Variants in HIBADH observed in about 807,000 individuals in gnomAD.
HIBADH encodes the protein 3-hydroxyisobutyrate dehydrogenase.
HIBADH carries 25 observed loss-of-function variants against 36.1 expected under a neutral mutation model. The observed-to-expected ratio is 0.69, with a 90% confidence interval of 0.50 to 0.97. The LOEUF (loss-of-function observed/expected upper bound fraction) is 0.97. Among genes scored for constraint, HIBADH ranks in the 50% least tolerant of loss-of-function variants. The pLI, the probability that HIBADH is intolerant of heterozygous loss-of-function variation, is 0.00. For synonymous variants in HIBADH, 160 were observed against 149.5 expected, an observed-to-expected ratio of 1.07 and a Z score of -0.51; for missense variants, 421 against 418.0, an observed-to-expected ratio of 1.01 and a Z score of -0.06.
intron 4 of HIBADH, among the ~76,000 whole-genome samples, chr7:27,626,586 TCTTA>T (rs1785651916): frequency 6.6e-6 from 1 of 152,136 alleles, no homozygotes; most frequent in Non-Finnish European, 1.5e-5. Flanking sequence ...AAGTAATAAT[TCTTA>T]CTTTACTCCC....
intron 7 of HIBADH, among the ~76,000 whole-genome samples, chr7:27,527,860 C>G (rs917722801): frequency 6.8e-6 from 1 of 147,942 alleles, no homozygotes; most frequent in Admixed American, 6.8e-5. Flanking sequence ...AAGTGATTCT[C>G]CTCCCGCAGC....
At position 27,656,165 on chromosome 7, in the gene HIBADH, A is replaced by G. The variant is rs116655756; in HGVS notation, c.92-6532T>C. Among the ~76,000 whole-genome samples the G allele has an allele frequency of 7.5e-3, 1,139 of 152,294 alleles. 17 individuals are homozygous for G. Among genetic ancestry groups the G allele is most frequent in the African/African-American group, 0.026 (1,079 of 41,556 alleles). ...CATCTACTCTAGTTTGAAAGCAGCC[A>G]TAGACAACATACAAACAAATGGGTA... On this transcript the variant is annotated intron_variant, in intron 1 of 7. Coordinates refer to ENST00000265395, the MANE Select transcript of HIBADH (RefSeq NM_152740.4).
chr7:27,635,796 C>G (rs918622667), intron 2 of HIBADH, among the ~76,000 whole-genome samples: 21 of 151,524 alleles, frequency 1.4e-4, no homozygotes, highest in African/African-American at 5.1e-4. Context: ...CTGCCCCAGA[C>G]AGATCTCCTG....
intron 4 of HIBADH, among the ~76,000 whole-genome samples, chr7:27,547,198 T>G (rs916980037): frequency 2.0e-5 from 3 of 152,184 alleles, no homozygotes; most frequent in African/African-American, 7.2e-5. Context: ...GTGAAGTATG[T>G]TCCCATCTCA....
intron 4 of HIBADH, among the ~76,000 whole-genome samples, chr7:27,613,313 TA>T (rs1785365745): frequency 6.8e-6 from 1 of 147,474 alleles, no homozygotes; most frequent in African/African-American, 2.5e-5. Flanking sequence ...TTTATATATA[TA>T]TATATAAAAG....
chr7:27,526,995 C>T (rs1312849619), intron 7 of HIBADH, among the ~76,000 whole-genome samples: 1 of 152,014 alleles, frequency 6.6e-6, no homozygotes, highest in Non-Finnish European at 1.5e-5. Context: ...GACCTGGAGC[C>T]AGGTGAAAAC....
chr7:27,580,005 G>C (rs1784766302), intron 4 of HIBADH, among the ~76,000 whole-genome samples: 1 of 151,134 alleles, frequency 6.6e-6, no homozygotes, highest in Admixed American at 6.6e-5. Flanking sequence ...ATACATGAGA[G>C]TCTGTTTGAA....
intron 6 of HIBADH, among the ~76,000 whole-genome samples, chr7:27,532,511 G>C (rs915624354): frequency 1.3e-5 from 2 of 152,176 alleles, no homozygotes; most frequent in East Asian, 1.9e-4. Flanking sequence ...TCAGATGCTA[G>C]AGCAGGGGGC....
At position 27,574,371 on chromosome 7, in the gene HIBADH, C is replaced by A. The variant is rs138770716; in HGVS notation, c.485-31271G>T. Among the ~76,000 whole-genome samples, 601 of 151,822 alleles carry A rather than the reference C, an allele frequency of 4.0e-3. 2 individuals carry two copies. Among genetic ancestry groups the A allele is most frequent in the Middle Eastern group, 0.021 (6 of 292 alleles). ...GAAGAATCTCTGAAATCATTTCCCA[C>A]AGAAATATGATGCTAATTGTGTTAT... On this transcript the variant is annotated intron_variant, in intron 4 of 7. Transcript: ENST00000265395.
At chr7:27,607,882 A>G (rs989296621) in intron 4 of HIBADH, among the ~76,000 whole-genome samples, 1 of 152,194 alleles carries the variant, frequency 6.6e-6, no homozygotes, top group Non-Finnish European at 1.5e-5. Context: ...CCAATTAACT[A>G]TTTCAGTGTC....
chr7:27,582,912 G>C (rs185136686), intron 4 of HIBADH, among the ~76,000 whole-genome samples: 3 of 152,144 alleles, frequency 2.0e-5, no homozygotes, highest in African/African-American at 4.8e-5. Context: ...CAGTAAAATG[G>C]GGATAACAAC....
chr7:27,570,509 A>G (rs1457465784), intron 4 of HIBADH, among the ~76,000 whole-genome samples: 1 of 152,178 alleles, frequency 6.6e-6, no homozygotes, highest in Non-Finnish European at 1.5e-5. Context: ...TCAGAAAGCA[A>G]ATCAGTGTTT....
chr7:27,553,882 CTT>C (rs1784355678), intron 4 of HIBADH, among the ~76,000 whole-genome samples: 1 of 152,190 alleles, frequency 6.6e-6, no homozygotes, highest in Admixed American at 6.5e-5. Context: ...GAGTTTTGCT[CTT>C]GTCGCCCAGG....
chr7:27,592,524 G>A (rs1015490560), intron 4 of HIBADH, among the ~76,000 whole-genome samples: 1 of 152,044 alleles, frequency 6.6e-6, no homozygotes, highest in Non-Finnish European at 1.5e-5. Flanking sequence ...CCACACCTTC[G>A]CCTGGCCCCA....
chr7:27,557,325 C>G (rs967199540), intron 4 of HIBADH, among the ~76,000 whole-genome samples: 2 of 151,622 alleles, frequency 1.3e-5, no homozygotes, highest in African/African-American at 4.8e-5. Context: ...TCTTATTTTG[C>G]CTTTATAGTT....
chr7:27,572,545 C>G (rs1006768522), intron 4 of HIBADH, among the ~76,000 whole-genome samples: 6 of 152,158 alleles, frequency 3.9e-5, no homozygotes, highest in African/African-American at 1.2e-4. Flanking sequence ...TTTATGACAT[C>G]TATTTTTACA....
chr7:27,651,353 GGTATAATA>G (rs2128297248), intron 1 of HIBADH, among the ~76,000 whole-genome samples: 1 of 7,494 alleles, frequency 1.3e-4, no homozygotes, highest in East Asian at 0.17. Flanking sequence ...TTAATACACT[GGTATAATA>G]GTACACTGGT....
In HIBADH at chr7:27,626,104, GA is replaced by G. The variant is rs70994672; in HGVS notation, c.484+3266del. Reference sequence around the variant, plus strand: ...GGTGACACAGTGAGACTCCGTCTCAGAAAAAAAAAAAAAAAAAAAAAAGATG... The same window carrying G: ...GGTGACACAGTGAGACTCCGTCTCAGAAAAAAAAAAAAAAAAAAAAAGATG... On this transcript the variant is annotated intron_variant, in intron 4 of 7. Coordinates refer to ENST00000265395, the MANE Select transcript of HIBADH (RefSeq NM_152740.4). 9.7e-3 allele frequency among the ~76,000 whole-genome samples: 699 copies of G among 72,434 alleles called. 5 individuals carry two copies. Among genetic ancestry groups the G allele is most frequent in the African/African-American group, 0.035 (649 of 18,600 alleles). 47.5% of individuals were successfully genotyped at this position (72,434 alleles called of 152,430 possible). A position where few individuals can be genotyped will look rare whatever the true frequency, so the allele number is the denominator to read the frequency against.
intron 4 of HIBADH, among the ~76,000 whole-genome samples, chr7:27,575,624 A>G (rs951983634): frequency 6.6e-6 from 1 of 152,178 alleles, no homozygotes; most frequent in African/African-American, 2.4e-5. Context: ...CAGGGATGGT[A>G]AAAGCAGCAA....
Sources: gnomAD v4.1 joint callset for allele counts (sites outside exome capture counted in the v4.1 genomes callset) on GRCh38, gnomAD v4.1.1 for gene constraint, MANE v1.5 for transcripts, NCBI Gene and HGNC (gene_info 2026-07-23, HGNC 2026-07-21) for gene names.